The following OTOGL variants were observed in gnomAD, a reference collection of about 807,000 sequenced individuals.
OTOGL encodes otogelin like.
OTOGL carries 285 observed loss-of-function variants against 318.5 expected under a neutral mutation model. That is an observed-to-expected ratio of 0.89 (90% CI 0.81 to 0.99). The LOEUF is 0.99. Among genes scored for constraint, OTOGL ranks in the 50% least tolerant of loss-of-function variants. The pLI, the probability that OTOGL is intolerant of heterozygous loss-of-function variation, is 0.00. For synonymous variants in OTOGL, 987 were observed against 936.5 expected (o/e 1.05, Z -0.99); for missense variants, 2,899 against 2,845.6 (o/e 1.02, Z -0.43).
At chr12:80,188,953 T>C (rs1409311266) in intron 1 of OTOGL, among the ~76,000 whole-genome samples, 1 of 152,224 alleles carries the variant, frequency 6.6e-6, no homozygotes, top group African/African-American at 2.4e-5. Flanking sequence ...CATCCTCCCG[T>C]TCTCTCTGTC....
At chr12:80,125,410 C>T (rs1021754054) in intron 1 of OTOGL, among the ~76,000 whole-genome samples, 1 of 152,252 alleles carries the variant, frequency 6.6e-6, no homozygotes, top group East Asian at 1.9e-4. Context: ...GGTGGATAAG[C>T]TTTTTGATGT....
At chr12:80,156,380 C>A (rs11831891) in intron 1 of OTOGL, among the ~76,000 whole-genome samples, 3 of 152,096 alleles carry the variant, frequency 2.0e-5, no homozygotes, top group Non-Finnish European at 4.4e-5. Context: ...CTTGTGGTCA[C>A]GTGAGTCAAT....
At chr12:80,122,410 G>A (rs1218803058) in intron 1 of OTOGL, among the ~76,000 whole-genome samples, 1 of 152,100 alleles carries the variant, frequency 6.6e-6, no homozygotes, top group Non-Finnish European at 1.5e-5. Flanking sequence ...AAAAGAAAAT[G>A]AGACTAGCAG....
At chr12:80,171,101 ATCT>A (rs1272051407) in intron 1 of OTOGL, among the ~76,000 whole-genome samples, 2 of 151,832 alleles carry the variant, frequency 1.3e-5, no homozygotes, top group Admixed American at 1.3e-4. Context: ...TTGAGTCAGA[ATCT>A]CATCCTGTTG....
intron 52 of OTOGL, among the ~76,000 whole-genome samples, chr12:80,363,265 A>C (rs1440667766): frequency 6.6e-6 from 1 of 152,212 alleles, no homozygotes; most frequent in Admixed American, 6.5e-5. Flanking sequence ...TACCCTGAGG[A>C]GCTCTGTGCA....
In OTOGL at chr12:80,302,774, A is replaced by G; in HGVS notation, c.3204A>G (p.Pro1068=). Residue 1068 remains proline, a synonymous_variant, in exon 28 of 59, where the codon CCA becomes CCG. Coordinates refer to ENST00000547103, the MANE Select transcript of OTOGL (RefSeq NM_001378609.3). ...RKTTIHIKVG[P]QWKNKLSGLC... ...CAACTATTCATATCAAAGTTGGGCC[A>G]CAGTGGAAGGTAGGTCAACCTAAGC... The G allele has an allele frequency of 6.6e-7, 1 of 1,506,976 alleles. No individual in the cohort carries two copies. 93.4% of individuals were successfully genotyped at this position (1,506,976 alleles called of 1,614,324 possible).
chr12:80,164,008 G>A (rs1873688177), intron 1 of OTOGL, among the ~76,000 whole-genome samples: 1 of 152,094 alleles, frequency 6.6e-6, no homozygotes, highest in Admixed American at 6.6e-5. Flanking sequence ...ATGAAAGATG[G>A]GGACTGAGAG....
Position 80,368,240 on chromosome 12 carries a change from TTGTTGTGG to T in OTOGL, c.6548_6555del (p.Cys2183TyrfsTer33). ...ATACTCCATCCCCAAGTGATTATGG[TTGTTGTGG>T]TACCTGCAAAAATGTATCCTGCAAA... On this transcript the variant is annotated frameshift_variant, in exon 55 of 59. Transcript: ENST00000547103. LOFTEE classifies it high-confidence loss of function. 6.2e-7 allele frequency: 1 copy of T among 1,604,308 alleles called. No individual in the cohort carries two copies. Among genetic ancestry groups the T allele is most frequent in the South Asian group, 1.1e-5 (1 of 89,428 alleles).
Position 80,353,400 on chromosome 12 carries a change from G to T in OTOGL, c.5483G>T (p.Trp1828Leu). Residue 1828 changes from tryptophan to leucine, a missense_variant, in exon 46 of 59, where the codon TGG becomes TTG. Physicochemically the swap from Trp to Leu is moderately conservative, Grantham distance 61. Coordinates refer to ENST00000547103, the MANE Select transcript of OTOGL (RefSeq NM_001378609.3). ...GAAGCAAGAACATGCCTGAACCAAT[G>T]GTTCTATGGACACACTTCCTGTTTG... ...PCEARTCLNQWFYGHTSCLNL... is the reference protein window; with the variant it reads ...PCEARTCLNQLFYGHTSCLNL... The T allele has an allele frequency of 6.2e-7, 1 of 1,603,140 alleles. No individual in the cohort carries two copies. The highest frequency in any genetic ancestry group is 2.2e-5 in the East Asian group (1 of 44,568).
At chr12:80,368,482 T>C (rs1890691807) in intron 55 of OTOGL, among the ~76,000 whole-genome samples, 173 bp downstream of exon 55, 1 of 151,928 alleles carries the variant, frequency 6.6e-6, no homozygotes, top group Non-Finnish European at 1.5e-5. Context: ...TCTGATAATT[T>C]ATGTTGTAAA....
At chr12:80,281,090 C>A (rs143816876) in intron 26 of OTOGL, among the ~76,000 whole-genome samples, 1 of 151,894 alleles carries the variant, frequency 6.6e-6, no homozygotes, top group East Asian at 1.9e-4. Flanking sequence ...TTCTAGGAGC[C>A]TTTGGGCAGA....
rs76230473 is a variant in OTOGL at position 80,375,442 on chromosome 12, G to A, written c.6782-1681G>A. 9.9e-3 allele frequency among the ~76,000 whole-genome samples: 1,505 copies of A among 152,244 alleles called. 21 individuals are homozygous for A. Among genetic ancestry groups the A allele is most frequent in the African/African-American group, 0.034 (1,398 of 41,546 alleles). Reference sequence around the variant, plus strand: ...GGAGTGTGCTCATTATCAAGAAGGGGAAGAAACACTGAACCCATAAATATA... The same window carrying A: ...GGAGTGTGCTCATTATCAAGAAGGGAAAGAAACACTGAACCCATAAATATA... On this transcript the variant is annotated intron_variant, in intron 57 of 58. Coordinates refer to ENST00000547103, the MANE Select transcript of OTOGL (RefSeq NM_001378609.3).
intron 35 of OTOGL, 89 bp downstream of exon 35, chr12:80,323,929 A>G: frequency 2.0e-6 from 2 of 997,940 alleles, no homozygotes; most frequent in Non-Finnish European, 3.1e-6. Context: ...AAAAACAGCC[A>G]TTCTCAAGTT....
intron 11 of OTOGL, among the ~76,000 whole-genome samples, chr12:80,249,868 T>G (rs555893111): frequency 6.6e-6 from 1 of 152,178 alleles, no homozygotes; most frequent in South Asian, 2.1e-4. Flanking sequence ...AGTCTCGTGG[T>G]GCGCCGTTTT....
intron 13 of OTOGL, among the ~76,000 whole-genome samples, 181 bp from the exon 14 acceptor site, chr12:80,253,285 A>G (rs1881735409): frequency 6.6e-6 from 1 of 152,166 alleles, no homozygotes; most frequent in Non-Finnish European, 1.5e-5. Flanking sequence ...ACTGAAATAG[A>G]TCCTTTAAGG....
chr12:80,360,273 T>C (rs138605603), intron 52 of OTOGL, among the ~76,000 whole-genome samples: 1 of 152,104 alleles, frequency 6.6e-6, no homozygotes, highest in Non-Finnish European at 1.5e-5. Context: ...TTTTTTCCCT[T>C]TACAAGTCTG....
intron 9 of OTOGL, among the ~76,000 whole-genome samples, chr12:80,234,945 A>T (rs950787915): frequency 1.3e-5 from 2 of 152,162 alleles, no homozygotes; most frequent in African/African-American, 4.8e-5. Flanking sequence ...CACAATACAA[A>T]TGTATAGTAC....
chr12:80,152,745 G>A (rs570652975), intron 1 of OTOGL, among the ~76,000 whole-genome samples: 8 of 152,130 alleles, frequency 5.3e-5, no homozygotes, highest in South Asian at 4.1e-4. Flanking sequence ...CTGGAGTGCC[G>A]TGGCACAATC....
chr12:80,339,244 C>G lies in OTOGL; in HGVS notation c.5030C>G (p.Ser1677Cys). ...IHFGFRFNLS[S>C]YTEGLCGICN... Reference sequence around the variant, plus strand: ...TTTGGCTTCCGATTTAACTTGTCATCCTACACAGAAGGACTCTGTGGTGAG... The same window carrying G: ...TTTGGCTTCCGATTTAACTTGTCATGCTACACAGAAGGACTCTGTGGTGAG... The change falls in exon 43 of 59, where the codon TCC (serine) becomes TGC (cysteine). Residue 1677 changes from serine (S) to cysteine (C), a missense_variant. Around this residue, in one of 3 missense-constraint regions of OTOGL, gnomAD observed 2,607 missense variants for 2,524.9 expected, o/e 1.03. Transcript: ENST00000547103. The G allele has an allele frequency of 6.2e-7, 1 of 1,605,144 alleles. No homozygotes were observed. Among genetic ancestry groups the G allele is most frequent in the Middle Eastern group, 1.7e-4 (1 of 6,024 alleles).
Sources: gnomAD v4.1 joint callset for allele counts (sites outside exome capture counted in the v4.1 genomes callset) on GRCh38, gnomAD v4.1.1 for gene constraint, gnomAD v4.1.1 regional missense constraint, MANE v1.5 for transcripts, NCBI Gene and HGNC (gene_info 2026-07-23, HGNC 2026-07-21) for gene names.